The following VPS54 variants were observed in gnomAD, a reference collection of about 807,000 sequenced individuals.
VPS54 encodes the protein VPS54 subunit of GARP complex, also known as vacuolar protein sorting-associated protein 54.
In VPS54, 45 loss-of-function variants were observed where a neutral mutation model predicts 121.5. The observed-to-expected ratio is 0.37, with a 90% CI of 0.29 to 0.47. The LOEUF is 0.47. Ranked by LOEUF, VPS54 falls within the 20% of genes least tolerant of loss-of-function variation. VPS54 has a pLI of 0.99. For missense variants in VPS54, 1,090 were observed against 1,131.4 expected (o/e 0.96, Z 0.52); for synonymous variants, 371 against 385.8 (o/e 0.96, Z 0.45).
intron 20 of VPS54, 24 bp downstream of exon 20, chr2:63,912,321 C>G (rs1673183857): frequency 6.4e-7 from 1 of 1,553,448 alleles, no homozygotes; most frequent in Non-Finnish European, 8.8e-7. Context: ...TGAACAAAGT[C>G]TAATAATTTC....
chr2:63,933,945 C>G lies in VPS54; in HGVS notation c.1467G>C (p.Leu489Phe), dbSNP rs1674336253. ...VLDKNQRTRE[L>F]EEISQQKNAA... ...CATTCTTCTGTTGTGAAATCTCTTC[C>G]AATTCTCTAGTCCTTTGGTTTTTGT... is the stretch of plus-strand genomic sequence containing the variant. The change falls in exon 12 of 23, where the codon TTG (leucine) becomes TTC (phenylalanine). Residue 489 changes from leucine (L) to phenylalanine (F), a missense_variant. Coordinates refer to ENST00000272322, the MANE Select transcript of VPS54 (RefSeq NM_016516.3). The G allele has an allele frequency of 6.2e-7, 1 of 1,613,616 alleles. No individual in the cohort carries two copies. The highest frequency in any genetic ancestry group is 8.5e-7 in the Non-Finnish European group (1 of 1,179,756).
chr2:63,972,221 G>C lies in VPS54; in HGVS notation c.402C>G (p.Cys134Trp). Reference protein sequence around the residue: ...ISQREKIHERCKNICPPKDTF... With the variant: ...ISQREKIHERWKNICPPKDTF... Reference sequence around the variant, plus strand: ...TATCTTTAGGAGGACAAATATTCTTGCATCTCTCATGAATCTTCTCTCTCT... The same window carrying C: ...TATCTTTAGGAGGACAAATATTCTTCCATCTCTCATGAATCTTCTCTCTCT... Residue 134 changes from cysteine (C) to tryptophan (W), a missense_variant, in exon 4 of 23, where the codon TGC (cysteine) becomes TGG (tryptophan). Cys to Trp is a radical substitution (Grantham distance 215). Around this residue, in one of 2 missense-constraint regions of VPS54, gnomAD observed 801 missense variants for 757.0 expected, o/e 1.06. Coordinates refer to ENST00000272322, the MANE Select transcript of VPS54 (RefSeq NM_016516.3). The C allele has an allele frequency of 6.3e-7, 1 of 1,593,978 alleles. No individual in the cohort carries two copies. Among genetic ancestry groups the C allele is most frequent in the Non-Finnish European group, 8.6e-7 (1 of 1,166,358 alleles).
In VPS54 at chr2:63,933,745, T is replaced by G. The variant is rs1179381029; in HGVS notation, c.1667A>C (p.Glu556Ala). The G allele has an allele frequency of 6.2e-7, 1 of 1,613,886 alleles. No individual in the cohort carries two copies. The highest frequency in any genetic ancestry group is 1.7e-5 in the Admixed American group (1 of 59,998). Reference protein sequence around the residue: ...PCSSDSVSEPECTTDSSSSKE... With the variant: ...PCSSDSVSEPACTTDSSSSKE... ...GCTGGATGAAGAATCAGTAGTACAT[T>G]CTGGCTCGGATACAGAATCACTGCT... The change falls in exon 12 of 23, where the codon GAA (glutamate) becomes GCA (alanine). Residue 556 changes from glutamate to alanine, a missense_variant. Physicochemically the swap from Glu to Ala is moderately radical, Grantham distance 107. Coordinates refer to ENST00000272322, the MANE Select transcript of VPS54 (RefSeq NM_016516.3).
chr2:63,987,734 G>A (rs774808144), intron 1 of VPS54, among the ~76,000 whole-genome samples: 9 of 152,100 alleles, frequency 5.9e-5, no homozygotes, highest in Non-Finnish European at 1.0e-4. Context: ...TCACTGTAGA[G>A]ACTTTTCACT....
chr2:63,955,820 CAAT>C (rs1444222436), intron 7 of VPS54, among the ~76,000 whole-genome samples: 3 of 151,890 alleles, frequency 2.0e-5, no homozygotes, highest in African/African-American at 4.8e-5. Flanking sequence ...ACAATAGATG[CAAT>C]AATAATGATG....
At chr2:63,947,342 G>A (rs771353729) in intron 9 of VPS54, 41 bp downstream of exon 9, 6 of 1,471,846 alleles carry the variant, frequency 4.1e-6, no homozygotes, top group Middle Eastern at 3.7e-4. Context: ...ACTTCACAAA[G>A]GTTCCAGACC....
chr2:63,944,124 G>T (rs1274280728), intron 10 of VPS54, among the ~76,000 whole-genome samples: 1 of 151,974 alleles, frequency 6.6e-6, no homozygotes, highest in African/African-American at 2.4e-5. Context: ...CCAATTAAAA[G>T]TTGATTTTAA....
At chr2:63,994,387 G>C (rs1677482551) in intron 1 of VPS54, among the ~76,000 whole-genome samples, 1 of 151,980 alleles carries the variant, frequency 6.6e-6, no homozygotes, top group African/African-American at 2.4e-5. Context: ...TATTCTTATT[G>C]GGCTTATGTG....
At chr2:63,972,322 A>T in intron 3 of VPS54, 78 bp from the exon 4 acceptor site, 1 of 1,057,520 alleles carries the variant, frequency 9.5e-7, no homozygotes, top group Non-Finnish European at 1.4e-6. Flanking sequence ...TTGCAACAGA[A>T]TATCAGAATA....
intron 1 of VPS54, among the ~76,000 whole-genome samples, chr2:64,003,138 G>C (rs1677962754): frequency 6.6e-6 from 1 of 152,068 alleles, no homozygotes; most frequent in Non-Finnish European, 1.5e-5. Context: ...GATAAGCAAT[G>C]ATAGTTTGTC....
chr2:63,970,965 T>A (rs1338240296), intron 4 of VPS54, among the ~76,000 whole-genome samples: 1 of 152,134 alleles, frequency 6.6e-6, no homozygotes, highest in Non-Finnish European at 1.5e-5. Context: ...GAGCTCCAGG[T>A]TGCCAAAAAG....
At chr2:63,919,347 T>C (rs1411424820) in intron 15 of VPS54, among the ~76,000 whole-genome samples, 1 of 152,078 alleles carries the variant, frequency 6.6e-6, no homozygotes, top group African/African-American at 2.4e-5. Flanking sequence ...TGCTTATGTA[T>C]TTTTTGGTTT....
intron 11 of VPS54, 116 bp from the exon 12 acceptor site, chr2:63,934,129 T>A: frequency 1.2e-6 from 1 of 836,600 alleles, no homozygotes; most frequent in Non-Finnish European, 1.8e-6. Context: ...TGAGTCAAAG[T>A]CATGTATATC....
intron 1 of VPS54, among the ~76,000 whole-genome samples, chr2:64,008,370 T>C (rs1009209336): frequency 3.3e-5 from 5 of 149,310 alleles, no homozygotes; most frequent in African/African-American, 9.9e-5. Context: ...GCCAAGATCA[T>C]GCCATTGAAC....
intron 1 of VPS54, among the ~76,000 whole-genome samples, chr2:63,987,049 T>C (rs944788100): frequency 1.3e-5 from 2 of 152,238 alleles, no homozygotes; most frequent in African/African-American, 4.8e-5. Context: ...TTTCCTTTGC[T>C]GTGCAGAAGC....
At position 63,998,702 on chromosome 2, in the gene VPS54, A is replaced by C. The variant is rs576564656; in HGVS notation, c.-20-14683T>G. Among the ~76,000 whole-genome samples, 38 of 152,202 alleles carry C rather than the reference A, an allele frequency of 2.5e-4. No individual in the cohort carries two copies. The East Asian group carries it at 7.3e-3, about 29-fold the overall frequency. ...ACTAATAAAACTCTGCACTTTAACTATGTCCCCCCACTTTATAGCTTTTTG... is the reference window on the plus strand; with the variant it reads ...ACTAATAAAACTCTGCACTTTAACTCTGTCCCCCCACTTTATAGCTTTTTG... On this transcript the variant is annotated intron_variant, in intron 1 of 22. Transcript: ENST00000272322.
At chr2:63,895,063 ATGT>A (rs570215561) in intron 22 of VPS54, among the ~76,000 whole-genome samples, 47 of 152,270 alleles carry the variant, frequency 3.1e-4, no homozygotes, top group Middle Eastern at 3.4e-3. Flanking sequence ...AAAATGACAA[ATGT>A]TGATCAATTC....
intron 12 of VPS54, among the ~76,000 whole-genome samples, chr2:63,932,921 G>C (rs755991420): frequency 2.6e-5 from 4 of 152,000 alleles, no homozygotes; most frequent in Non-Finnish European, 5.9e-5. Flanking sequence ...GGTTATATAG[G>C]AGTGTTCTTG....
intron 20 of VPS54, among the ~76,000 whole-genome samples, chr2:63,904,006 C>T (rs1672796953): frequency 6.6e-6 from 1 of 151,938 alleles, no homozygotes; most frequent in Non-Finnish European, 1.5e-5. Context: ...AAGAAACTAA[C>T]TTTAAATAAG....
Sources: gnomAD v4.1 joint callset for allele counts (sites outside exome capture counted in the v4.1 genomes callset) on GRCh38, gnomAD v4.1.1 for gene constraint, gnomAD v4.1.1 regional missense constraint, MANE v1.5 for transcripts, NCBI Gene and HGNC (gene_info 2026-07-23, HGNC 2026-07-21) for gene names.